Variants in NSFL1C observed in about 807,000 individuals in gnomAD.
NSFL1C encodes the protein NSFL1 cofactor.
NSFL1C carries 14 observed loss-of-function variants against 43.1 expected under a neutral mutation model. That is an observed-to-expected ratio of 0.32 (90% CI 0.21 to 0.51). NSFL1C has a LOEUF of 0.51. NSFL1C is among the 20% of genes least tolerant of loss of function. The pLI is 0.98. For synonymous variants in NSFL1C, 171 were observed against 183.5 expected (o/e 0.93, Z 0.55); for missense variants, 406 against 472.5 (o/e 0.86, Z 1.30).
chr20:1,452,282 A>G (rs1429019302), intron 7 of NSFL1C, among the ~76,000 whole-genome samples: 1 of 152,238 alleles, frequency 6.6e-6, no homozygotes, highest in East Asian at 1.9e-4. Context: ...ATATAGTCCA[A>G]GGTCACACTG....
At chr20:1,456,181 A>T (rs2090296201) in intron 3 of NSFL1C, 1 of 174,924 alleles carries the variant, frequency 5.7e-6, no homozygotes, top group African/African-American at 2.4e-5. Context: ...CAAGGACAAC[A>T]GTACCAGTGT....
intron 2 of NSFL1C, among the ~76,000 whole-genome samples, chr20:1,460,197 A>G (rs1025697871): frequency 2.0e-5 from 3 of 152,196 alleles, no homozygotes; most frequent in Non-Finnish European, 2.9e-5. Flanking sequence ...TGATGCACGG[A>G]AAGTCTTTTG....
chr20:1,464,458 T>C, intron 1 of NSFL1C, 32 bp from the exon 2 acceptor site: 1 of 1,560,498 alleles, frequency 6.4e-7, no homozygotes, highest in South Asian at 1.1e-5. Context: ...TTGGGACCCT[T>C]AAACAGGCCT....
chr20:1,454,245 C>A lies in NSFL1C; in HGVS notation c.505G>T (p.Ala169Ser). Residue 169 changes from alanine (A) to serine (S), a missense_variant, in exon 5 of 9, where the codon GCA becomes TCA. Physicochemically the swap from Ala to Ser is moderately conservative, Grantham distance 99. Coordinates refer to ENST00000216879, the MANE Select transcript of NSFL1C (RefSeq NM_016143.5). The part of the protein sequence containing the change: ...AAPEEESAYV[A>S]GEKRQHSSQD... ...CTGGAATGCTGCCTCTTTTCTCCTG[C>A]CACATAGGCAGACTCTTCCTCTGGT... 2 of 1,613,096 alleles carry A rather than the reference C, an allele frequency of 1.2e-6. No individual in the cohort carries two copies. The highest frequency in any genetic ancestry group is 1.7e-6 in the Non-Finnish European group (2 of 1,180,018).
Position 1,464,413 on chromosome 20 carries a change from C to T in NSFL1C, c.119G>A (p.Ser40Asn). The change falls in exon 2 of 9, where the codon AGC (serine) becomes AAC (asparagine). Residue 40 changes from serine to asparagine, a missense_variant. This residue lies in a region of NSFL1C where 203 missense variants were observed against 216.3 expected (regional missense o/e 0.94). Coordinates refer to ENST00000216879, the MANE Select transcript of NSFL1C (RefSeq NM_016143.5). ...TTCATCCCCTCCGTCCTCATAAAAG[C>T]TCGCTAGCGCGATCTGAAACAGAGA... ...AGWDLQIALASFYEDGGDEDI... is the reference protein window; with the variant it reads ...AGWDLQIALANFYEDGGDEDI... 1 of 1,614,258 alleles carries T rather than the reference C, an allele frequency of 6.2e-7. No individual in the cohort carries two copies. The highest frequency in any genetic ancestry group is 1.1e-5 in the South Asian group (1 of 91,086).
chr20:1,444,570 T>C lies in NSFL1C; in HGVS notation c.951-659A>G, dbSNP rs374316581. ...GAAACCACCTGGAAACAATGCCTCC[T>C]TCCCTAGAGCACTTAAACATAAGTT... On this transcript the variant is annotated intron_variant, in intron 8 of 8. Transcript: ENST00000216879. 1.1e-3 allele frequency among the ~76,000 whole-genome samples: 164 copies of C among 152,336 alleles called. No homozygotes were observed. In the Middle Eastern group the frequency reaches 0.014, roughly 13 times the overall value.
chr20:1,458,150 C>CA, intron 3 of NSFL1C, 50 bp downstream of exon 3: 1 of 1,420,102 alleles, frequency 7.0e-7, no homozygotes, highest in Non-Finnish European at 1.0e-6. Flanking sequence ...TTACACATTA[C>CA]CCTGGACTTC....
At chr20:1,465,608 G>T (rs1365277436) in intron 1 of NSFL1C, among the ~76,000 whole-genome samples, 1 of 152,238 alleles carries the variant, frequency 6.6e-6, no homozygotes, top group African/African-American at 2.4e-5. Flanking sequence ...AGCAGACTCA[G>T]TTCAAATTCC....
intron 7 of NSFL1C, among the ~76,000 whole-genome samples, chr20:1,447,929 G>A (rs2090099453): frequency 6.6e-6 from 1 of 152,160 alleles, no homozygotes. Flanking sequence ...ACACGCTATG[G>A]ATCATTTTTA....
intron 1 of NSFL1C, 110 bp from the exon 2 acceptor site, chr20:1,464,536 G>A: frequency 1.3e-6 from 1 of 797,946 alleles, no homozygotes. Flanking sequence ...AAGGTAGCTT[G>A]CATCCATGGG....
chr20:1,459,546 T>C (rs1163897422), intron 2 of NSFL1C, among the ~76,000 whole-genome samples: 1 of 152,236 alleles, frequency 6.6e-6, no homozygotes, highest in Non-Finnish European at 1.5e-5. Flanking sequence ...GAGGCTTTAA[T>C]GAGCTGTTTA....
At chr20:1,449,017 C>A (rs548599362) in intron 7 of NSFL1C, among the ~76,000 whole-genome samples, 1 of 152,112 alleles carries the variant, frequency 6.6e-6, no homozygotes, top group Non-Finnish European at 1.5e-5. Context: ...ACTAAAAGTA[C>A]AAACAAATGT....
rs756738665 is a variant in NSFL1C, at chr20:1,445,372, CTCTGAAG to C, written c.950+287_950+293del. On this transcript the variant is annotated intron_variant, in intron 8 of 8. Transcript: ENST00000216879. ...TCACAGGACTTTAGCATGGGACTTCCTCTGAAGTCTGGTAGCTTAAAAAAAGCCCTGA... is the reference window on the plus strand; with the variant it reads ...TCACAGGACTTTAGCATGGGACTTCCTCTGGTAGCTTAAAAAAAGCCCTGA... 8.5e-4 allele frequency among the ~76,000 whole-genome samples: 130 copies of C among 152,248 alleles called. No individual in the cohort carries two copies. The Middle Eastern group carries it at 0.014, about 16-fold the overall frequency.
intron 5 of NSFL1C, 143 bp downstream of exon 5, chr20:1,454,070 G>T: frequency 1.5e-6 from 1 of 657,788 alleles, no homozygotes. Flanking sequence ...AAGCGTCTTT[G>T]TTCGTGAACC....
chr20:1,445,603 A>G (rs768385790), intron 8 of NSFL1C, 63 bp downstream of exon 8: 25 of 1,565,574 alleles, frequency 1.6e-5, no homozygotes, highest in Non-Finnish European at 2.2e-5. Context: ...TCTGCTTCCC[A>G]CACATTTGCG....
intron 2 of NSFL1C, among the ~76,000 whole-genome samples, chr20:1,462,546 G>C (rs985486246): frequency 6.7e-6 from 1 of 149,676 alleles, no homozygotes; most frequent in African/African-American, 2.5e-5. Context: ...TTTTGAGACA[G>C]AGTCTTGCTC....
chr20:1,443,493 C>T lies in NSFL1C; in HGVS notation c.*256G>A, dbSNP rs1261993113. ...AGTGGGAGAGTTTCCGTACAACATG[C>T]TGGTGATATTCCTTCAATTTTTTTG... On this transcript the variant is annotated 3_prime_UTR_variant, in exon 9 of 9. Coordinates refer to ENST00000216879, the MANE Select transcript of NSFL1C (RefSeq NM_016143.5). 3 of 371,050 alleles carry T rather than the reference C, an allele frequency of 8.1e-6. No individual in the cohort carries two copies. The highest frequency in any genetic ancestry group is 6.1e-5 in the African/African-American group (3 of 49,494). The allele number at this position is 371,050 out of a possible 1,614,324, so 23.0% of individuals were successfully genotyped here.
intron 2 of NSFL1C, among the ~76,000 whole-genome samples, chr20:1,461,320 G>C (rs1376019138): frequency 6.6e-6 from 1 of 152,214 alleles, no homozygotes; most frequent in South Asian, 2.1e-4. Context: ...CTGGAGTTCT[G>C]TGGAACAGAA....
At chr20:1,448,076 C>T (rs2090103542) in intron 7 of NSFL1C, among the ~76,000 whole-genome samples, 1 of 152,172 alleles carries the variant, frequency 6.6e-6, no homozygotes, top group Non-Finnish European at 1.5e-5. Flanking sequence ...TCAAACTTCT[C>T]CTTGAGTTTC....
Sources: gnomAD v4.1 joint callset for allele counts (sites outside exome capture counted in the v4.1 genomes callset) on GRCh38, gnomAD v4.1.1 for gene constraint, gnomAD v4.1.1 regional missense constraint, MANE v1.5 for transcripts, NCBI Gene and HGNC (gene_info 2026-07-23, HGNC 2026-07-21) for gene names.